RBFOX1: variants seen among roughly 807,000 people sequenced by gnomAD.
RBFOX1 encodes RNA binding protein fox-1 homolog 1.
In RBFOX1, 8 loss-of-function variants were observed where a neutral mutation model predicts 57.7. That is an observed-to-expected ratio of 0.14 (90% confidence interval 0.08 to 0.25). The LOEUF (loss-of-function observed/expected upper bound fraction) is 0.25. Among genes scored for constraint, RBFOX1 ranks in the 10% least tolerant of loss-of-function variants. The probability of loss-of-function intolerance (pLI) is 1.00; values close to 1 mark genes in which losing one functional copy is unlikely to be tolerated. For synonymous variants in RBFOX1, 326 were observed against 222.4 expected, an observed-to-expected ratio of 1.47 and a Z score of -4.15; for missense variants, 611 against 548.5, an observed-to-expected ratio of 1.11 and a Z score of -1.14.
At chr16:6,833,430 G>A (rs766801746) in intron 3 of RBFOX1, among the ~76,000 whole-genome samples, 1 of 152,116 alleles carries the variant, frequency 6.6e-6, no homozygotes, top group African/African-American at 2.4e-5. Flanking sequence ...GCTTCCCAAA[G>A]TGTTGGGGTT....
chr16:7,140,098 C>G (rs1034147011), intron 4 of RBFOX1, among the ~76,000 whole-genome samples: 2 of 151,276 alleles, frequency 1.3e-5, no homozygotes, highest in Non-Finnish European at 2.9e-5. Flanking sequence ...ATGGACTGTT[C>G]TCTCTTTCTC....
intron 3 of RBFOX1, among the ~76,000 whole-genome samples, chr16:6,931,792 A>C (rs2076603805): frequency 6.6e-6 from 1 of 152,122 alleles, no homozygotes. Context: ...GTAATTTATA[A>C]AGAAAAATAA....
At chr16:7,511,883 G>T (rs909600533) in intron 4 of RBFOX1, among the ~76,000 whole-genome samples, 5 of 150,996 alleles carry the variant, frequency 3.3e-5, no homozygotes, top group Admixed American at 1.3e-4. Context: ...TAAAGCGTGA[G>T]ATCTTGGCCT....
intron 1 of RBFOX1, among the ~76,000 whole-genome samples, chr16:6,088,342 C>T (rs1169670263): frequency 6.6e-6 from 1 of 152,038 alleles, no homozygotes; most frequent in East Asian, 1.9e-4. Context: ...TGTTTATTGC[C>T]AGAGAAGTAT....
chr16:5,597,514 C>A (rs1207701573), intron 2 of RBFOX1, among the ~76,000 whole-genome samples: 3 of 151,418 alleles, frequency 2.0e-5, no homozygotes, highest in Admixed American at 2.0e-4. Context: ...ATTCTCCTCC[C>A]TTAGCCTCCC....
intron 2 of RBFOX1, among the ~76,000 whole-genome samples, chr16:5,482,190 C>G (rs1164863246): frequency 2.6e-5 from 4 of 152,136 alleles, no homozygotes; most frequent in South Asian, 2.1e-4. Context: ...ATTTGTAAGA[C>G]CTTTTGTTCC....
chr16:7,088,090 C>A (rs971337695), intron 4 of RBFOX1, among the ~76,000 whole-genome samples: 2 of 151,990 alleles, frequency 1.3e-5, no homozygotes, highest in African/African-American at 4.8e-5. Flanking sequence ...CATTAAGCTG[C>A]AATTTTATTT....
intron 4 of RBFOX1, among the ~76,000 whole-genome samples, chr16:5,918,479 C>T (rs935038008): frequency 1.3e-5 from 2 of 152,180 alleles, no homozygotes; most frequent in African/African-American, 2.4e-5. Context: ...AGAGCATGCA[C>T]CTAGTTCCGT....
At chr16:6,510,786 G>A (rs2096240226) in intron 2 of RBFOX1, among the ~76,000 whole-genome samples, 1 of 151,986 alleles carries the variant, frequency 6.6e-6, no homozygotes, top group South Asian at 2.1e-4. Context: ...TTTGTTGCCA[G>A]TACCTGGCGG....
chr16:5,304,920 T>A (rs574211622), intron 1 of RBFOX1, among the ~76,000 whole-genome samples: 1 of 152,350 alleles, frequency 6.6e-6, no homozygotes, highest in Non-Finnish European at 1.5e-5. Context: ...ATGACATTAC[T>A]GGCAATTTGA....
intron 2 of RBFOX1, among the ~76,000 whole-genome samples, chr16:5,560,144 C>T (rs781046602): frequency 6.6e-6 from 1 of 152,146 alleles, no homozygotes; most frequent in Non-Finnish European, 1.5e-5. Flanking sequence ...AGTATTTGCA[C>T]ATGCCTGACA....
chr16:6,757,951 A>G (rs1317457008), intron 3 of RBFOX1, among the ~76,000 whole-genome samples: 1 of 152,150 alleles, frequency 6.6e-6, no homozygotes, highest in Non-Finnish European at 1.5e-5. Context: ...ATTTTAAACA[A>G]TTACAACAAC....
chr16:6,253,950 C>G (rs2097644214), intron 1 of RBFOX1, among the ~76,000 whole-genome samples: 1 of 152,028 alleles, frequency 6.6e-6, no homozygotes, highest in Non-Finnish European at 1.5e-5. Flanking sequence ...TATTTTTCAC[C>G]TCAACTCAAG....
At chr16:6,081,151 C>G (rs976141756) in intron 1 of RBFOX1, among the ~76,000 whole-genome samples, 5 of 152,164 alleles carry the variant, frequency 3.3e-5, no homozygotes, top group African/African-American at 1.2e-4. Flanking sequence ...GGGCGTCTTT[C>G]AGATACACTT....
At chr16:7,537,032 A>T (rs1008024337) in intron 5 of RBFOX1, among the ~76,000 whole-genome samples, 3 of 152,198 alleles carry the variant, frequency 2.0e-5, no homozygotes, top group Admixed American at 1.3e-4. Flanking sequence ...TGCTGGCCTC[A>T]TCTGGGGGCT....
Position 7,709,184 on chromosome 16 carries a change from C to A in RBFOX1, c.1071+53C>A, listed in dbSNP as rs545520623. Reference sequence around the variant, plus strand: ...CTTCCTCCTGCCTCCCTTCCCTTTCCCCAGCTGGGACCTCAGTACGGGTTG... The same window carrying A: ...CTTCCTCCTGCCTCCCTTCCCTTTCACCAGCTGGGACCTCAGTACGGGTTG... On this transcript the variant is annotated intron_variant, in intron 15 of 15. Transcript: ENST00000550418. 101 of 1,510,992 alleles carry A rather than the reference C, an allele frequency of 6.7e-5. 2 individuals are homozygous for A. In the South Asian group the frequency reaches 1.1e-3, roughly 16 times the overall value. The allele number at this position is 1,510,992 out of a possible 1,614,324, so 93.6% of individuals were successfully genotyped here. A position where few individuals can be genotyped will look rare whatever the true frequency, so the allele number is the denominator to read the frequency against.
intron 1 of RBFOX1, among the ~76,000 whole-genome samples, chr16:6,111,877 T>G (rs1329327296): frequency 2.6e-5 from 4 of 152,218 alleles, no homozygotes; most frequent in African/African-American, 9.6e-5. Flanking sequence ...AAGGGGTAAG[T>G]GTATGGATTG....
chr16:5,340,369 T>C (rs2065006761), intron 1 of RBFOX1, among the ~76,000 whole-genome samples: 1 of 152,224 alleles, frequency 6.6e-6, no homozygotes, highest in African/African-American at 2.4e-5. Flanking sequence ...CTGCTTTAAG[T>C]ATAAAATTGT....
intron 3 of RBFOX1, among the ~76,000 whole-genome samples, chr16:6,994,705 G>A (rs1467544440): frequency 6.6e-6 from 1 of 152,148 alleles, no homozygotes; most frequent in African/African-American, 2.4e-5. Context: ...GTTGTATTCT[G>A]AAAGTCCTGA....
Sources: allele counts gnomAD v4.1 joint callset (sites outside exome capture counted in the v4.1 genomes callset), GRCh38; gene constraint gnomAD v4.1.1; transcripts MANE v1.5; gene names NCBI Gene and HGNC (gene_info 2026-07-23, HGNC 2026-07-21).